Variants in LIPG observed in about 807,000 individuals in gnomAD.
LIPG encodes endothelial lipase.
Under a neutral mutation model 51.8 loss-of-function variants are expected in LIPG, and 34 were observed. The observed-to-expected ratio is 0.66, with a 90% confidence interval of 0.50 to 0.87. LIPG has a LOEUF of 0.87. Among genes scored for constraint, LIPG ranks in the 40% least tolerant of loss-of-function variants. LIPG has a pLI of 0.00. For synonymous variants in LIPG, 246 were observed against 246.1 expected, an observed-to-expected ratio of 1.00 and a Z score of 0.00; for missense variants, 580 against 652.7, an observed-to-expected ratio of 0.89 and a Z score of 1.21.
rs771356851 is a variant in LIPG at position 49,562,299 on chromosome 18, G to A, written c.-10G>A. Reference sequence around the variant, plus strand: ...CTTCTGTTTCTTGGGAGGGGGTGTGGCGGGGCAGGATGAGCAACTCCGTTC... The same window carrying A: ...CTTCTGTTTCTTGGGAGGGGGTGTGACGGGGCAGGATGAGCAACTCCGTTC... On this transcript the variant is annotated 5_prime_UTR_variant, in exon 1 of 10. Transcript: ENST00000261292. The A allele has an allele frequency of 8.1e-6, 13 of 1,611,372 alleles. No individual in the cohort carries two copies. The highest frequency in any genetic ancestry group is 1.1e-5 in the Non-Finnish European group (13 of 1,179,748).
At chr18:49,575,116 C>A (rs550753759) in intron 4 of LIPG, among the ~76,000 whole-genome samples, 2 of 152,232 alleles carry the variant, frequency 1.3e-5, no homozygotes, top group African/African-American at 2.4e-5. Flanking sequence ...GCTGAGGTGA[C>A]GGGATACATG....
At position 49,592,676 on chromosome 18, in the gene LIPG, T is replaced by A. The variant is rs969224620; in HGVS notation, c.*2154T>A. On this transcript the variant is annotated 3_prime_UTR_variant, in exon 10 of 10. Coordinates refer to ENST00000261292, the MANE Select transcript of LIPG (RefSeq NM_006033.4). ...CCTGGTCACTTCTGACTTCTGTTTT[T>A]ACTAATGGAAGCTTTGCAAATTGAA... 1 of 152,276 alleles carries A rather than the reference T, an allele frequency of 6.6e-6. No individual in the cohort carries two copies. Among genetic ancestry groups the A allele is most frequent in the Non-Finnish European group, 1.5e-5 (1 of 68,094 alleles). The allele number at this position is 152,276 out of a possible 1,614,324, so 9.4% of individuals were successfully genotyped here. A position where few individuals can be genotyped will look rare whatever the true frequency, so the allele number is the denominator to read the frequency against.
chr18:49,572,233 T>C (rs2099648637), intron 4 of LIPG, among the ~76,000 whole-genome samples: 1 of 152,026 alleles, frequency 6.6e-6, no homozygotes, highest in African/African-American at 2.4e-5. Context: ...AGCAGGAGAA[T>C]CTCTTGAACC....
chr18:49,578,576 C>G (rs1490994991), intron 5 of LIPG, among the ~76,000 whole-genome samples: 4 of 146,096 alleles, frequency 2.7e-5, no homozygotes, highest in African/African-American at 1.0e-4. Context: ...ACATCCCAGA[C>G]GATGGGCGGC....
At chr18:49,582,526 G>A in intron 7 of LIPG, 44 bp downstream of exon 7, 1 of 1,613,828 alleles carries the variant, frequency 6.2e-7, no homozygotes, top group South Asian at 1.1e-5. Context: ...CAGAGAACAG[G>A]TTGGTTTGAG....
intron 2 of LIPG, among the ~76,000 whole-genome samples, chr18:49,566,148 T>C (rs987912519): frequency 5.9e-5 from 9 of 151,994 alleles, no homozygotes; most frequent in African/African-American, 1.7e-4. Context: ...CTGGGCTAAT[T>C]GGAAGGGGAC....
chr18:49,561,651 T>C (rs890734787), upstream of LIPG: 3 of 1,233,646 alleles, frequency 2.4e-6, no homozygotes, highest in African/African-American at 1.6e-5. Context: ...GATAGACCAC[T>C]CCCAGAGAGA....
chr18:49,588,783 A>G (rs747308354), intron 9 of LIPG, among the ~76,000 whole-genome samples: 11 of 152,126 alleles, frequency 7.2e-5, no homozygotes. Flanking sequence ...CACGCCCTCT[A>G]AGCCAAAACA....
intron 9 of LIPG, among the ~76,000 whole-genome samples, chr18:49,588,417 G>A (rs2084907102): frequency 6.6e-6 from 1 of 151,950 alleles, no homozygotes; most frequent in Non-Finnish European, 1.5e-5. Flanking sequence ...CGAGTAGCTG[G>A]GATTACAAGT....
intron 9 of LIPG, among the ~76,000 whole-genome samples, chr18:49,587,274 CAAAA>C (rs199757704): frequency 0.01 from 1,550 of 148,164 alleles, 13 homozygotes; most frequent in South Asian, 0.045. Context: ...AGCTCTGTCT[CAAAA>C]AGAAAGAAAG....
Position 49,582,376 on chromosome 18 carries a change from A to C in LIPG, c.1051A>C (p.Met351Leu), listed in dbSNP as rs749511680. ...TGTCACTGCAGTTTACCATTATCAG[A>C]TGAAAATCCATGTCTTCAGTTACAA... ...GMPFRVYHYQ[M>L]KIHVFSYKNM... Residue 351 changes from methionine to leucine, a missense_variant, in exon 7 of 10, where the codon ATG becomes CTG. Coordinates refer to ENST00000261292, the MANE Select transcript of LIPG (RefSeq NM_006033.4). 18 of 1,614,196 alleles carry C rather than the reference A, an allele frequency of 1.1e-5. 2 individuals are homozygous for C. The highest frequency in any genetic ancestry group is 1.6e-4 in the Middle Eastern group (1 of 6,062).
At position 49,583,518 on chromosome 18, in the gene LIPG, T is replaced by C; in HGVS notation, c.1158-38T>C. On this transcript the variant is annotated intron_variant, in intron 7 of 9. Transcript: ENST00000261292. The stretch of plus-strand genomic sequence containing the variant: ...CCACACAGTGTGGCAGTTTTCCAGC[T>C]GTTAGGGGAGTGAGATCAGCTTCTC... 5 of 1,581,740 alleles carry C rather than the reference T, an allele frequency of 3.2e-6. No homozygotes were observed. In the East Asian group the frequency reaches 1.1e-4, roughly 35 times the overall value.
intron 3 of LIPG, among the ~76,000 whole-genome samples, chr18:49,568,819 TGAATTCTGGCA>T (rs2084633785): frequency 6.6e-6 from 1 of 152,228 alleles, no homozygotes; most frequent in Non-Finnish European, 1.5e-5. Flanking sequence ...TGGAATGGGA[TGAATTCTGGCA>T]GAATTCTGGT....
chr18:49,566,591 A>C (rs962440697), intron 2 of LIPG, among the ~76,000 whole-genome samples: 2 of 152,186 alleles, frequency 1.3e-5, no homozygotes, highest in African/African-American at 2.4e-5. Flanking sequence ...TTTCTGTGGA[A>C]AAATACATTC....
intron 8 of LIPG, among the ~76,000 whole-genome samples, chr18:49,584,928 A>G (rs1035456051): frequency 6.6e-6 from 1 of 152,252 alleles, no homozygotes; most frequent in East Asian, 1.9e-4. Flanking sequence ...TTTAAAAAGT[A>G]AAACATTATA....
Position 49,569,528 on chromosome 18 carries a change from GA to G in LIPG, c.553del (p.Thr185ArgfsTer44). ...VAGYAGNFVK[G>X]TVGRITGLDP... ...GGGTATGCAGGCAACTTCGTGAAAG[GA>G]ACGGTGGGCCGAATCACAGGTGAGC... On this transcript the variant is annotated frameshift_variant, in exon 4 of 10. Transcript: ENST00000261292. LOFTEE classifies it high-confidence loss of function. The G allele has an allele frequency of 6.2e-7, 1 of 1,614,062 alleles. No individual in the cohort carries two copies. The highest frequency in any genetic ancestry group is 1.1e-5 in the South Asian group (1 of 91,070).
At chr18:49,589,061 C>T (rs989112807) in intron 9 of LIPG, among the ~76,000 whole-genome samples, 39 of 152,136 alleles carry the variant, frequency 2.6e-4, no homozygotes, top group Non-Finnish European at 8.8e-5. Flanking sequence ...TGAAGCAGGT[C>T]GGTCTACCCC....
chr18:49,563,591 T>A (rs2084573413), intron 1 of LIPG, among the ~76,000 whole-genome samples: 1 of 151,194 alleles, frequency 6.6e-6, no homozygotes, highest in Non-Finnish European at 1.5e-5. Flanking sequence ...TGCTCAGTAT[T>A]ATGGAGAAAA....
intron 8 of LIPG, among the ~76,000 whole-genome samples, chr18:49,583,975 A>G (rs933629371): frequency 1.3e-4 from 20 of 152,192 alleles, no homozygotes; most frequent in Admixed American, 1.3e-3. Context: ...TGCCCTGAAC[A>G]TGGGCCCTCA....
Sources: gnomAD v4.1 joint callset for allele counts (sites outside exome capture counted in the v4.1 genomes callset) on GRCh38, gnomAD v4.1.1 for gene constraint, MANE v1.5 for transcripts, NCBI Gene and HGNC (gene_info 2026-07-23, HGNC 2026-07-21) for gene names.